GNAI3: variants seen among roughly 807,000 people sequenced by gnomAD.
The protein encoded by GNAI3 is G protein subunit alpha i3.
Under a neutral mutation model 41.8 loss-of-function variants are expected in GNAI3, and 12 were observed. The observed-to-expected ratio is 0.29, with a 90% CI of 0.18 to 0.47. The LOEUF (loss-of-function observed/expected upper bound fraction) is 0.47. Among genes scored for constraint, GNAI3 ranks in the 20% least tolerant of loss-of-function variants. The pLI is 1.00. For missense variants in GNAI3, 360 were observed against 429.6 expected (o/e 0.84, Z 1.43); for synonymous variants, 132 against 146.5 (o/e 0.90, Z 0.71).
At chr1:109,571,730 A>G (rs6660640) in intron 1 of GNAI3, among the ~76,000 whole-genome samples, 43,601 of 151,926 alleles carry the variant, frequency 0.29, 7,400 homozygotes, top group African/African-American at 0.47. Flanking sequence ...GCAGCCTGGC[A>G]AACATGGTGA....
chr1:109,548,871 T>C, intron 1 of GNAI3, 33 bp downstream of exon 1: 2 of 1,400,456 alleles, frequency 1.4e-6, no homozygotes, highest in Non-Finnish European at 2.0e-6. Context: ...TGAGTGGTGG[T>C]CGGGAGAGCC....
Position 109,596,291 on chromosome 1 carries a change from T to C in GNAI3, c.*3969T>C, listed in dbSNP as rs1192803197. On this transcript the variant is annotated 3_prime_UTR_variant, in exon 9 of 9. Transcript: ENST00000369851. ...TTCCCCCCAGTTTTCTCAACATTTA[T>C]GAGTTAGTTCTGCTGAGAACAACAT... The C allele has an allele frequency of 1.3e-5, 2 of 152,258 alleles. No individual in the cohort carries two copies. Among genetic ancestry groups the C allele is most frequent in the Non-Finnish European group, 2.9e-5 (2 of 68,058 alleles). The allele number at this position is 152,258 out of a possible 1,614,324, so 9.4% of individuals were successfully genotyped here. A position where few individuals can be genotyped will look rare whatever the true frequency, so the allele number is the denominator to read the frequency against.
chr1:109,549,068 A>C (rs1025683595), intron 1 of GNAI3, among the ~76,000 whole-genome samples: 1 of 152,174 alleles, frequency 6.6e-6, no homozygotes, highest in Non-Finnish European at 1.5e-5. Flanking sequence ...ACTCCGGGCT[A>C]GAATTGCGTT....
chr1:109,552,021 G>C (rs1347601075), intron 1 of GNAI3, among the ~76,000 whole-genome samples: 3 of 152,120 alleles, frequency 2.0e-5, no homozygotes, highest in Non-Finnish European at 2.9e-5. Context: ...AATTAGCCGG[G>C]CGTGGTGGTG....
At chr1:109,570,671 T>G (rs937678695) in intron 1 of GNAI3, among the ~76,000 whole-genome samples, 2 of 152,122 alleles carry the variant, frequency 1.3e-5, no homozygotes, top group African/African-American at 4.8e-5. Flanking sequence ...AGGACCTAAC[T>G]CAGTAAGAAC....
intron 3 of GNAI3, among the ~76,000 whole-genome samples, chr1:109,576,091 G>A (rs1037731114): frequency 1.3e-5 from 2 of 151,806 alleles, no homozygotes; most frequent in African/African-American, 4.8e-5. Flanking sequence ...TTTTTGAGGC[G>A]GAGTTTTGCT....
chr1:109,565,563 A>G (rs140034890), intron 1 of GNAI3, among the ~76,000 whole-genome samples: 245 of 152,332 alleles, frequency 1.6e-3, no homozygotes, highest in Non-Finnish European at 2.8e-3. Context: ...CATCCATTGC[A>G]TCTGGCATTG....
In GNAI3 at chr1:109,572,387, A is replaced by G. The variant is rs140665549; in HGVS notation, c.119-1350A>G. 2.6e-3 allele frequency among the ~76,000 whole-genome samples: 392 copies of G among 152,330 alleles called. 6 individuals carry two copies. The highest frequency in any genetic ancestry group is 9.1e-3 in the African/African-American group (380 of 41,570). The stretch of plus-strand genomic sequence containing the variant: ...GAAGTAGGAATCAAACCTGAAGGGT[A>G]TGTTGGCTAGAAGCCTGCCTAGTGA... On this transcript the variant is annotated intron_variant, in intron 1 of 8. Coordinates refer to ENST00000369851, the MANE Select transcript of GNAI3 (RefSeq NM_006496.4).
At chr1:109,588,343 C>G (rs1012888401) in intron 7 of GNAI3, among the ~76,000 whole-genome samples, 1 of 150,078 alleles carries the variant, frequency 6.7e-6, no homozygotes, top group Non-Finnish European at 1.5e-5. Context: ...GATCGCGCCA[C>G]TGCACTCCAG....
At chr1:109,564,704 A>C (rs1648405220) in intron 1 of GNAI3, among the ~76,000 whole-genome samples, 1 of 152,188 alleles carries the variant, frequency 6.6e-6, no homozygotes, top group Non-Finnish European at 1.5e-5. Flanking sequence ...TTTACCCTCG[A>C]TTCGGTCACA....
chr1:109,566,783 G>A (rs1440495389), intron 1 of GNAI3, among the ~76,000 whole-genome samples: 2 of 152,104 alleles, frequency 1.3e-5, no homozygotes, highest in Non-Finnish European at 2.9e-5. Context: ...GGCTGGTCTC[G>A]AACTCCTGAC....
chr1:109,550,537 CTT>C (rs370352103), intron 1 of GNAI3, among the ~76,000 whole-genome samples: 3 of 145,208 alleles, frequency 2.1e-5, no homozygotes, highest in Non-Finnish European at 1.5e-5. Flanking sequence ...AGGGCGTTAA[CTT>C]TTTTTTTTTT....
At chr1:109,549,089 A>G (rs997409030) in intron 1 of GNAI3, among the ~76,000 whole-genome samples, 2 of 152,060 alleles carry the variant, frequency 1.3e-5, no homozygotes, top group Admixed American at 6.5e-5. Flanking sequence ...TAGCAGAGAG[A>G]CTTGGGAGTA....
At chr1:109,549,950 T>C (rs1021139179) in intron 1 of GNAI3, among the ~76,000 whole-genome samples, 1 of 152,192 alleles carries the variant, frequency 6.6e-6, no homozygotes, top group African/African-American at 2.4e-5. Context: ...CATTTCTTCA[T>C]TATTAGTGAA....
At chr1:109,565,488 G>A (rs1195487489) in intron 1 of GNAI3, among the ~76,000 whole-genome samples, 1 of 152,040 alleles carries the variant, frequency 6.6e-6, no homozygotes, top group Non-Finnish European at 1.5e-5. Flanking sequence ...TGGGTGTGAG[G>A]CTGAATAAAG....
At chr1:109,566,354 A>G (rs1187690524) in intron 1 of GNAI3, among the ~76,000 whole-genome samples, 2 of 152,196 alleles carry the variant, frequency 1.3e-5, no homozygotes, top group Non-Finnish European at 2.9e-5. Context: ...CCAGACCGTA[A>G]AGTCCATAAA....
Position 109,593,937 on chromosome 1 carries a change from A to G in GNAI3, c.*1615A>G, listed in dbSNP as rs1420492939. On this transcript the variant is annotated 3_prime_UTR_variant, in exon 9 of 9. Transcript: ENST00000369851. ...GGATTCTATTTCATCTTTTGATGTGACTTTTCACTAGTTTACAAAAAAAAG... is the reference window on the plus strand; with the variant it reads ...GGATTCTATTTCATCTTTTGATGTGGCTTTTCACTAGTTTACAAAAAAAAG... 4 of 152,568 alleles carry G rather than the reference A, an allele frequency of 2.6e-5. No homozygotes were observed. Among genetic ancestry groups the G allele is most frequent in the Non-Finnish European group, 5.9e-5 (4 of 68,006 alleles). 9.5% of individuals were successfully genotyped at this position (152,568 alleles called of 1,614,324 possible).
intron 5 of GNAI3, among the ~76,000 whole-genome samples, chr1:109,583,651 G>C (rs937330796): frequency 6.6e-6 from 1 of 152,126 alleles, no homozygotes; most frequent in Non-Finnish European, 1.5e-5. Flanking sequence ...TGCGATCTCG[G>C]CTCGTTGCAA....
chr1:109,583,179 C>G (rs919541102), intron 5 of GNAI3, among the ~76,000 whole-genome samples: 3 of 151,994 alleles, frequency 2.0e-5, no homozygotes, highest in Non-Finnish European at 4.4e-5. Flanking sequence ...GGTAAGATGA[C>G]ATATAAACAG....
Sources: allele counts gnomAD v4.1 joint callset (sites outside exome capture counted in the v4.1 genomes callset), GRCh38; gene constraint gnomAD v4.1.1; transcripts MANE v1.5; gene names NCBI Gene and HGNC (gene_info 2026-07-23, HGNC 2026-07-21).